CNTNAP2: variants seen among roughly 807,000 people sequenced by gnomAD.
CNTNAP2 encodes the protein contactin-associated protein-like 2.
In CNTNAP2, 98 loss-of-function variants were observed where a neutral mutation model predicts 155.2. That is an observed-to-expected ratio of 0.63 (90% CI 0.54 to 0.75). The LOEUF (loss-of-function observed/expected upper bound fraction) is 0.75. Ranked by LOEUF, CNTNAP2 falls within the 30% of genes least tolerant of loss-of-function variation. CNTNAP2 has a pLI of 0.00. For missense variants in CNTNAP2, 1,727 were observed against 1,688.1 expected (o/e 1.02, Z -0.40); for synonymous variants, 651 against 631.2 (o/e 1.03, Z -0.47).
At chr7:148,156,480 C>T (rs548814539) in intron 17 of CNTNAP2, among the ~76,000 whole-genome samples, 3 of 152,128 alleles carry the variant, frequency 2.0e-5, no homozygotes, top group East Asian at 1.9e-4. Context: ...CTCCTTCCTC[C>T]GCTTGACCAC....
chr7:146,345,388 A>AGGTTTGC (rs552013935), intron 1 of CNTNAP2, among the ~76,000 whole-genome samples: 48 of 152,316 alleles, frequency 3.2e-4, no homozygotes, highest in African/African-American at 1.2e-3. Flanking sequence ...TAATTATACA[A>AGGTTTGC]GGTTTGCTGA....
intron 21 of CNTNAP2, among the ~76,000 whole-genome samples, chr7:148,292,538 GGACAA>G (rs1205346443): frequency 6.6e-6 from 1 of 152,164 alleles, no homozygotes; most frequent in African/African-American, 2.4e-5. Context: ...AGAGCTTAGG[GGACAA>G]AAACAACTGT....
At chr7:146,711,693 TATCTTATGTATACATATATAGTATACAC>T (rs1431724419) in intron 1 of CNTNAP2, among the ~76,000 whole-genome samples, 34 of 134,306 alleles carry the variant, frequency 2.5e-4, no homozygotes, top group East Asian at 6.2e-4. Context: ...TATATATACA[TATCTTATGTATACATATATAGTATACAC>T]ATCTTATGTA....
intron 21 of CNTNAP2, among the ~76,000 whole-genome samples, chr7:148,284,546 C>T (rs1797048062): frequency 6.7e-6 from 1 of 150,014 alleles, no homozygotes; most frequent in African/African-American, 2.5e-5. Flanking sequence ...AGAGTGGTTA[C>T]TGCTCAGCAC....
At chr7:146,657,776 A>G (rs1461205161) in intron 1 of CNTNAP2, among the ~76,000 whole-genome samples, 2 of 152,180 alleles carry the variant, frequency 1.3e-5, no homozygotes, top group Non-Finnish European at 2.9e-5. Flanking sequence ...ATTGTCAAAA[A>G]GAGTCTAATT....
chr7:147,797,914 A>G (rs1363197918), intron 13 of CNTNAP2, among the ~76,000 whole-genome samples: 3 of 152,208 alleles, frequency 2.0e-5, no homozygotes, highest in Non-Finnish European at 2.9e-5. Flanking sequence ...GACACCAAGA[A>G]GTTATTTAAA....
At chr7:148,180,273 G>A (rs1795013912) in intron 18 of CNTNAP2, among the ~76,000 whole-genome samples, 1 of 152,108 alleles carries the variant, frequency 6.6e-6, no homozygotes, top group South Asian at 2.1e-4. Flanking sequence ...GACAGATTTG[G>A]AAGAAGGCCC....
At chr7:146,765,215 A>G (rs1272326345) in intron 1 of CNTNAP2, among the ~76,000 whole-genome samples, 1 of 152,190 alleles carries the variant, frequency 6.6e-6, no homozygotes, top group African/African-American at 2.4e-5. Context: ...AAAGTCATGT[A>G]CTGTACTGAT....
intron 8 of CNTNAP2, among the ~76,000 whole-genome samples, chr7:147,249,119 A>T (rs1190174391): frequency 6.6e-6 from 1 of 152,204 alleles, no homozygotes; most frequent in Admixed American, 6.5e-5. Flanking sequence ...TAGCTTGTAT[A>T]GGGTTAAGAA....
At chr7:146,880,114 G>A (rs1446620120) in intron 3 of CNTNAP2, among the ~76,000 whole-genome samples, 4 of 152,060 alleles carry the variant, frequency 2.6e-5, no homozygotes, top group Non-Finnish European at 5.9e-5. Context: ...AAAATTTCAA[G>A]ATGAGATTTG....
intron 2 of CNTNAP2, among the ~76,000 whole-genome samples, chr7:146,796,173 C>T (rs1048589354): frequency 6.6e-5 from 10 of 152,106 alleles, no homozygotes; most frequent in South Asian, 6.2e-4. Flanking sequence ...TGAAGGCTAT[C>T]GGTTACTTCT....
chr7:146,167,177 A>C (rs573863895), intron 1 of CNTNAP2, among the ~76,000 whole-genome samples: 1 of 152,352 alleles, frequency 6.6e-6, no homozygotes, highest in South Asian at 2.1e-4. Flanking sequence ...CCTGTAACCA[A>C]ACCACAAATC....
At chr7:147,446,013 G>A (rs899354953) in intron 10 of CNTNAP2, among the ~76,000 whole-genome samples, 1 of 151,482 alleles carries the variant, frequency 6.6e-6, no homozygotes, top group Admixed American at 6.6e-5. Flanking sequence ...GGGATCTGAA[G>A]ACTCTGATAA....
intron 1 of CNTNAP2, among the ~76,000 whole-genome samples, chr7:146,455,024 G>T (rs1421584333): frequency 6.6e-6 from 1 of 152,122 alleles, no homozygotes; most frequent in African/African-American, 2.4e-5. Flanking sequence ...TGGGCTCTTT[G>T]AGATCCACTG....
chr7:147,237,562 A>G (rs1459163166), intron 8 of CNTNAP2, among the ~76,000 whole-genome samples: 3 of 152,240 alleles, frequency 2.0e-5, no homozygotes, highest in Admixed American at 6.5e-5. Context: ...ATGAATGCTT[A>G]TTTGAATGCC....
chr7:146,747,187 AT>A (rs1217054656), intron 1 of CNTNAP2, among the ~76,000 whole-genome samples: 1 of 152,150 alleles, frequency 6.6e-6, no homozygotes, highest in Non-Finnish European at 1.5e-5. Flanking sequence ...CTTATAATAG[AT>A]TTTCCTAATA....
At chr7:146,898,632 A>G (rs887085163) in intron 3 of CNTNAP2, among the ~76,000 whole-genome samples, 16 of 152,108 alleles carry the variant, frequency 1.1e-4, no homozygotes, top group Non-Finnish European at 1.8e-4. Context: ...AAAAATAAAT[A>G]TCAGCTATAA....
chr7:147,037,491 C>T (rs1050582414), intron 3 of CNTNAP2, among the ~76,000 whole-genome samples: 10 of 111,186 alleles, frequency 9.0e-5, no homozygotes, highest in Admixed American at 2.5e-4. Context: ...GATGGAGTTT[C>T]GCTCTTGTTG....
intron 22 of CNTNAP2, among the ~76,000 whole-genome samples, chr7:148,399,751 G>T (rs190671870): frequency 2.6e-5 from 4 of 152,196 alleles, no homozygotes; most frequent in South Asian, 2.1e-4. Flanking sequence ...TAACGGAGTC[G>T]AACTGTGGGG....
Sources: gnomAD v4.1 joint callset for allele counts (sites outside exome capture counted in the v4.1 genomes callset) on GRCh38, gnomAD v4.1.1 for gene constraint, MANE v1.5 for transcripts, NCBI Gene and HGNC (gene_info 2026-07-23, HGNC 2026-07-21) for gene names.